The following SEC16B variants were observed in gnomAD, a reference collection of about 807,000 sequenced individuals.
The protein encoded by SEC16B is protein transport protein Sec16B.
Under a neutral mutation model 141.8 loss-of-function variants are expected in SEC16B, and 115 were observed. The observed-to-expected ratio is 0.81, with a 90% CI of 0.70 to 0.95. The LOEUF (loss-of-function observed/expected upper bound fraction) is 0.95, where lower values mean the gene tolerates loss of function less well. Ranked by LOEUF, SEC16B falls within the 40% of genes least tolerant of loss-of-function variation. The pLI is 0.00. For missense variants in SEC16B, 1,291 were observed against 1,312.3 expected (o/e 0.98, Z 0.25); for synonymous variants, 493 against 492.5 (o/e 1.00, Z -0.01).
intron 6 of SEC16B, 121 bp from the exon 7 acceptor site, chr1:177,961,060 G>A: frequency 8.9e-7 from 1 of 1,122,504 alleles, no homozygotes; most frequent in South Asian, 1.6e-5. Flanking sequence ...ATAAGATTCT[G>A]GGTGGGTTGT....
At chr1:177,952,811 G>A (rs544830819) in intron 11 of SEC16B, among the ~76,000 whole-genome samples, 9 of 152,136 alleles carry the variant, frequency 5.9e-5, no homozygotes, top group South Asian at 2.1e-4. Context: ...CTCCGAGCAC[G>A]TATCACAATA....
chr1:177,942,468 G>A (rs1317256822), intron 15 of SEC16B, among the ~76,000 whole-genome samples: 1 of 152,168 alleles, frequency 6.6e-6, no homozygotes, highest in Admixed American at 6.5e-5. Context: ...AGGAGTTTGA[G>A]ACCAGCCTGG....
chr1:177,954,386 A>G lies in SEC16B; in HGVS notation c.1366-10T>C. On this transcript the variant is annotated splice_polypyrimidine_tract_variant and intron_variant, in intron 10 of 25. Transcript: ENST00000308284. ...CCCACTCCAAGGCTTCCTGAAAACC[A>G]AAACATCACATTCAAGAGTGCCTTT... 6.4e-7 allele frequency: 1 copy of G among 1,561,896 alleles called. No individual in the cohort carries two copies. Among genetic ancestry groups the G allele is most frequent in the South Asian group, 1.2e-5 (1 of 84,718 alleles).
At chr1:177,949,520 A>G (rs73045017) in intron 12 of SEC16B, among the ~76,000 whole-genome samples, 4,419 of 148,578 alleles carry the variant, frequency 0.03, 214 homozygotes, top group African/African-American at 0.098. Context: ...CGGAGGGGAC[A>G]CAGTAGAGAG....
upstream of SEC16B, among the ~76,000 whole-genome samples, chr1:177,973,968 G>A (rs1332270596): frequency 1.3e-5 from 2 of 151,896 alleles, no homozygotes; most frequent in Non-Finnish European, 2.9e-5. Flanking sequence ...GAGCAGCTGT[G>A]GAGAGACTGG....
At chr1:177,964,994 A>G (rs1653397340) in intron 4 of SEC16B, 53 bp downstream of exon 4, 1 of 1,600,360 alleles carries the variant, frequency 6.2e-7, no homozygotes, top group Non-Finnish European at 8.5e-7. Flanking sequence ...TTTGCCCGAC[A>G]TAGTCTGAGT....
intron 14 of SEC16B, chr1:177,946,092 G>A: frequency 1.8e-6 from 1 of 563,642 alleles, no homozygotes; most frequent in Admixed American, 3.3e-5. Context: ...GCCTCCACAT[G>A]TAAAATGTTG....
intron 1 of SEC16B, among the ~76,000 whole-genome samples, chr1:177,975,331 C>T (rs541600508): frequency 6.6e-6 from 1 of 152,274 alleles, no homozygotes; most frequent in East Asian, 1.9e-4. Context: ...GAATGGACAC[C>T]TTAAATGTAT....
chr1:177,937,345 TGCCCTGC>T lies in SEC16B; in HGVS notation c.2365_2371del (p.Ala789ArgfsTer25). 1 of 1,613,644 alleles carries T rather than the reference TGCCCTGC, an allele frequency of 6.2e-7. No individual in the cohort carries two copies. Among genetic ancestry groups the T allele is most frequent in the Non-Finnish European group, 8.5e-7 (1 of 1,179,800 alleles). On this transcript the variant is annotated frameshift_variant, in exon 19 of 26. Transcript: ENST00000308284. LOFTEE classifies it high-confidence loss of function. The stretch of plus-strand genomic sequence containing the variant: ...GTAAAAAGGCCTCGGTGTCCCTGTC[TGCCCTGC>T]ACCCCCTCCTGCTGGGTAGGAGCCC...
rs1653412966 is a variant in SEC16B, at chr1:177,965,127, G to C, written c.453C>G (p.Tyr151Ter). ...GTTCATCAAGGTACTTTTGCTCTCGGTAATCTTCGTGCCAGATATAAGGAC... is the reference window on the plus strand; with the variant it reads ...GTTCATCAAGGTACTTTTGCTCTCGCTAATCTTCGTGCCAGATATAAGGAC... ...QRSPYIWHEDYREQKYLDEHH... is the reference protein window; with the variant it reads ...QRSPYIWHED Residue 151 changes from tyrosine (Y) to a stop codon, truncating the protein, a stop_gained, in exon 4 of 26, where the codon TAC becomes TAG. Transcript: ENST00000308284. LOFTEE classifies it high-confidence loss of function. The C allele has an allele frequency of 6.2e-7, 1 of 1,613,394 alleles. No individual in the cohort carries two copies. Among genetic ancestry groups the C allele is most frequent in the African/African-American group, 1.3e-5 (1 of 74,878 alleles).
At chr1:177,970,319 C>T (rs1336403255), upstream of SEC16B, 1 of 152,202 alleles carries the variant, frequency 6.6e-6, no homozygotes, top group Non-Finnish European at 1.5e-5. Context: ...CGGGGCTCTA[C>T]CACTAGCTGG....
At chr1:177,977,507 T>C (rs1197256229) in intron 1 of SEC16B, among the ~76,000 whole-genome samples, 1 of 152,228 alleles carries the variant, frequency 6.6e-6, no homozygotes, top group Non-Finnish European at 1.5e-5. Flanking sequence ...AGATGGGTAG[T>C]ATTTGTCCTT....
intron 24 of SEC16B, among the ~76,000 whole-genome samples, 184 bp from the exon 25 acceptor site, chr1:177,930,827 T>C (rs929147050): frequency 6.6e-6 from 1 of 151,914 alleles, no homozygotes; most frequent in Non-Finnish European, 1.5e-5. Flanking sequence ...AATAAACAAA[T>C]GAAAAAAATG....
In SEC16B at chr1:177,964,241, G is replaced by A; in HGVS notation, c.572C>T (p.Ser191Phe). 1 of 1,613,748 alleles carries A rather than the reference G, an allele frequency of 6.2e-7. No homozygotes were observed. The highest frequency in any genetic ancestry group is 8.5e-7 in the Non-Finnish European group (1 of 1,179,744). ...CCCCGGCCACTCCTGTCCAGAGTTG[G>A]AAGCAGGGCTGTCTTTACAAGGGTT... ...SRNPCKDSPA[S>F]NSGQEWPGEL... Residue 191 changes from serine to phenylalanine, a missense_variant, in exon 5 of 26, where the codon TCC becomes TTC. Physicochemically the swap from Ser to Phe is radical, Grantham distance 155. This residue lies in a region of SEC16B where 681 missense variants were observed against 675.5 expected (regional missense o/e 1.01). Coordinates refer to ENST00000308284, the MANE Select transcript of SEC16B (RefSeq NM_033127.4).
At chr1:177,968,213 A>G (rs1653710376) in intron 1 of SEC16B, among the ~76,000 whole-genome samples, 174 bp from the exon 2 acceptor site, 1 of 152,228 alleles carries the variant, frequency 6.6e-6, no homozygotes, top group Admixed American at 6.5e-5. Flanking sequence ...TGAAGCAAAT[A>G]ACAGACTAGA....
chr1:177,933,156 G>A, intron 22 of SEC16B, 58 bp downstream of exon 22: 1 of 1,397,500 alleles, frequency 7.2e-7, no homozygotes, highest in Non-Finnish European at 9.9e-7. Flanking sequence ...AGGTGCTGAG[G>A]CAGCTCCCTC....
upstream of SEC16B, among the ~76,000 whole-genome samples, chr1:177,972,331 C>G (rs1431823060): frequency 1.3e-5 from 2 of 152,146 alleles, no homozygotes; most frequent in African/African-American, 4.8e-5. Flanking sequence ...CTTCCCAGCC[C>G]CACATAACTA....
intron 12 of SEC16B, chr1:177,948,399 A>G (rs1282773945): frequency 7.7e-7 from 1 of 1,304,496 alleles, no homozygotes; most frequent in Middle Eastern, 2.1e-4. Flanking sequence ...CCAAATGCCT[A>G]TGTTTTCTGG....
chr1:177,982,394 T>G (rs570304495), intron 1 of SEC16B, among the ~76,000 whole-genome samples: 1 of 152,234 alleles, frequency 6.6e-6, no homozygotes, highest in Admixed American at 6.5e-5. Context: ...GGATAAGTAA[T>G]CCAAGAGAAG....
Sources: gnomAD v4.1 joint callset for allele counts (sites outside exome capture counted in the v4.1 genomes callset) on GRCh38, gnomAD v4.1.1 for gene constraint, gnomAD v4.1.1 regional missense constraint, MANE v1.5 for transcripts, NCBI Gene and HGNC (gene_info 2026-07-23, HGNC 2026-07-21) for gene names.